The following ABL1 variants were observed in gnomAD, a reference collection of about 807,000 sequenced individuals.
ABL1 encodes tyrosine-protein kinase ABL1.
ABL1 carries 11 observed loss-of-function variants against 94.7 expected under a neutral mutation model. The ratio of observed to expected loss-of-function variants is 0.12; its 90% confidence interval spans 0.07 to 0.19. The LOEUF is 0.19. ABL1 is among the 10% of genes least tolerant of loss of function. The pLI, the probability that ABL1 is intolerant of heterozygous loss-of-function variation, is 1.00. For synonymous variants in ABL1, 656 were observed against 622.4 expected, an observed-to-expected ratio of 1.05 and a Z score of -0.80; for missense variants, 1,082 against 1,489.4, an observed-to-expected ratio of 0.73 and a Z score of 4.50.
chr9:130,737,664 A>T (rs534550459), intron 1 of ABL1, among the ~76,000 whole-genome samples: 1 of 152,240 alleles, frequency 6.6e-6, no homozygotes, highest in South Asian at 2.1e-4. Flanking sequence ...CAGAGTTTAA[A>T]GCCTGCTGAG....
At chr9:130,721,333 A>G (rs1831511135) in intron 1 of ABL1, among the ~76,000 whole-genome samples, 1 of 148,706 alleles carries the variant, frequency 6.7e-6, no homozygotes, top group African/African-American at 2.5e-5. Context: ...AGCCAAGATC[A>G]TGCCACCGCA....
At chr9:130,767,748 C>T (rs556538143) in intron 1 of ABL1, among the ~76,000 whole-genome samples, 4 of 152,200 alleles carry the variant, frequency 2.6e-5, no homozygotes, top group East Asian at 1.9e-4. Context: ...GTAAAGTGCA[C>T]GTGTGCATGT....
chr9:130,808,016 A>T (rs1013931633), intron 1 of ABL1, among the ~76,000 whole-genome samples: 3 of 151,590 alleles, frequency 2.0e-5, no homozygotes, highest in African/African-American at 7.3e-5. Flanking sequence ...ATTATAATTT[A>T]AAAAATTTTT....
intron 1 of ABL1, among the ~76,000 whole-genome samples, chr9:130,787,497 G>C (rs908527167): frequency 1.3e-5 from 2 of 152,156 alleles, no homozygotes; most frequent in Admixed American, 6.5e-5. Context: ...ACCCCCAGGA[G>C]CAGCAGATCT....
chr9:130,818,207 T>C (rs573113459), intron 1 of ABL1, among the ~76,000 whole-genome samples: 3 of 152,308 alleles, frequency 2.0e-5, no homozygotes, highest in African/African-American at 7.2e-5. Context: ...GGGTGGCTTA[T>C]GCCTATAATC....
At chr9:130,870,591 A>T (rs767965612) in intron 4 of ABL1, among the ~76,000 whole-genome samples, 1 of 152,168 alleles carries the variant, frequency 6.6e-6, no homozygotes, top group Non-Finnish European at 1.5e-5. Context: ...GGTAAATCAG[A>T]GCACTCCATG....
intron 1 of ABL1, among the ~76,000 whole-genome samples, chr9:130,799,498 A>G (rs915880434): frequency 6.6e-6 from 1 of 152,200 alleles, no homozygotes; most frequent in Non-Finnish European, 1.5e-5. Context: ...TCTAGGTTCT[A>G]TCATGTGTTA....
chr9:130,725,031 G>A lies in ABL1; in HGVS notation c.136+10576G>A, dbSNP rs977744566. 3.1e-5 allele frequency: 7 copies of A among 227,356 alleles called. No homozygotes were observed. In the East Asian group the frequency reaches 5.1e-4, roughly 17 times the overall value. 14.1% of individuals were successfully genotyped at this position (227,356 alleles called of 1,614,324 possible). ...CATCATATTGCAACGCTTTTCAAAC[G>A]ATAACGTTCCCTTTGTCATCTCCCT... is the stretch of plus-strand genomic sequence containing the variant. On this transcript the variant is annotated intron_variant, in intron 1 of 10. Transcript: ENST00000372348.
At chr9:130,813,704 AAATC>A (rs1429066022) in intron 1 of ABL1, among the ~76,000 whole-genome samples, 1 of 152,208 alleles carries the variant, frequency 6.6e-6, no homozygotes, top group African/African-American at 2.4e-5. Context: ...GGGTCAAAGA[AAATC>A]AACAGCGAAG....
intron 1 of ABL1, among the ~76,000 whole-genome samples, chr9:130,725,531 C>T (rs1275587400): frequency 2.6e-5 from 4 of 152,096 alleles, no homozygotes; most frequent in Non-Finnish European, 5.9e-5. Context: ...CAGGCATGTG[C>T]CACCATGCCT....
chr9:130,828,181 G>GC (rs1208037104), intron 1 of ABL1, among the ~76,000 whole-genome samples: 11 of 152,102 alleles, frequency 7.2e-5, no homozygotes, highest in African/African-American at 2.4e-4. Flanking sequence ...ACCTGCCTCA[G>GC]CCCCCCAAGC....
At chr9:130,815,430 C>T (rs538441132) in intron 1 of ABL1, among the ~76,000 whole-genome samples, 7 of 152,296 alleles carry the variant, frequency 4.6e-5, no homozygotes, top group Admixed American at 3.9e-4. Flanking sequence ...CTTCATGTTT[C>T]TGCTTGCCCA....
Position 130,885,283 on chromosome 9 carries a change from C to T in ABL1, c.2993C>T (p.Ser998Phe), listed in dbSNP as rs1009628344. ...TCGGCCCTGGCAGGGGACCAGCCGTCTTCCACCGCCTTCATCCCTCTCATA... is the reference window on the plus strand; with the variant it reads ...TCGGCCCTGGCAGGGGACCAGCCGTTTTCCACCGCCTTCATCCCTCTCATA... ...ASSALAGDQP[S>F]STAFIPLIST... Residue 998 changes from serine (S) to phenylalanine (F), a missense_variant, in exon 11 of 11, where the codon TCT becomes TTT. By Grantham distance (155) the Ser-to-Phe change is radical. This residue lies in a region of ABL1 where 780 missense variants were observed against 835.8 expected (regional missense o/e 0.93). Coordinates refer to ENST00000318560, the MANE Select transcript of ABL1 (RefSeq NM_005157.6). 4.3e-6 allele frequency: 7 copies of T among 1,613,700 alleles called. No individual in the cohort carries two copies. Among genetic ancestry groups the T allele is most frequent in the East Asian group, 2.2e-5 (1 of 44,894 alleles).
At chr9:130,772,279 C>T (rs1419956304) in intron 1 of ABL1, among the ~76,000 whole-genome samples, 1 of 152,162 alleles carries the variant, frequency 6.6e-6, no homozygotes, top group Non-Finnish European at 1.5e-5. Flanking sequence ...CAAACATACA[C>T]TCTCCCTGAA....
chr9:130,736,122 T>C (rs1459956510), intron 1 of ABL1, among the ~76,000 whole-genome samples: 1 of 151,164 alleles, frequency 6.6e-6, no homozygotes, highest in Non-Finnish European at 1.5e-5. Flanking sequence ...TGCCTGGCTG[T>C]TTTTTGTATT....
chr9:130,812,988 C>T (rs1036999141), intron 1 of ABL1, among the ~76,000 whole-genome samples: 22 of 151,988 alleles, frequency 1.4e-4, no homozygotes, highest in African/African-American at 4.6e-4. Flanking sequence ...CCAAGGCGGG[C>T]GGATCACCTG....
At chr9:130,735,255 C>T (rs1756359956) in intron 1 of ABL1, among the ~76,000 whole-genome samples, 1 of 152,142 alleles carries the variant, frequency 6.6e-6, no homozygotes, top group Admixed American at 6.5e-5. Flanking sequence ...GTCTTGAACT[C>T]CTGACCTCAG....
At chr9:130,751,234 C>G (rs1231151145) in intron 1 of ABL1, among the ~76,000 whole-genome samples, 1 of 143,748 alleles carries the variant, frequency 7.0e-6, no homozygotes, top group Non-Finnish European at 1.5e-5. Context: ...CTCTGCCTCC[C>G]CGGTTCAAGT....
intron 4 of ABL1, among the ~76,000 whole-genome samples, chr9:130,868,668 C>T (rs1831200522): frequency 6.6e-6 from 1 of 151,672 alleles, no homozygotes; most frequent in Non-Finnish European, 1.5e-5. Context: ...TTACAGACTC[C>T]TGCCACCACG....
Sources: allele counts gnomAD v4.1 joint callset (sites outside exome capture counted in the v4.1 genomes callset), GRCh38; gene constraint gnomAD v4.1.1; regional missense constraint gnomAD v4.1.1; transcripts MANE v1.5; gene names NCBI Gene and HGNC (gene_info 2026-07-23, HGNC 2026-07-21).